The following C9orf50 variants were observed in gnomAD, a reference collection of about 807,000 sequenced individuals.
C9orf50 encodes chromosome 9 open reading frame 50.
C9orf50 carries 33 observed loss-of-function variants against 42.5 expected under a neutral mutation model. That is an observed-to-expected ratio of 0.78 (90% CI 0.59 to 1.04). The LOEUF (loss-of-function observed/expected upper bound fraction) is 1.04, where lower values mean the gene tolerates loss of function less well. Among genes scored for constraint, C9orf50 ranks in the 50% least tolerant of loss-of-function variants. The pLI is 0.00. For synonymous variants in C9orf50, 257 were observed against 273.4 expected (o/e 0.94, Z 0.59); for missense variants, 547 against 594.3 (o/e 0.92, Z 0.83).
Position 129,620,514 on chromosome 9 carries a change from C to A in C9orf50, c.61G>T (p.Asp21Tyr), listed in dbSNP as rs754729275. Residue 21 changes from aspartate (D) to tyrosine (Y), a missense_variant, in exon 1 of 7, where the codon GAC (aspartate) becomes TAC (tyrosine). Asp to Tyr is a radical substitution (Grantham distance 160). Transcript: ENST00000372478. The surrounding 1 kb of genome is among the most constrained non-coding windows in gnomAD (Gnocchi z 5.8). ...TCGCTGCTGCGTCGGAAGTCTCCGT[C>A]GCCAGGGAGCCCCTTGGGCGCCAGG... is the stretch of plus-strand genomic sequence containing the variant. The A allele has an allele frequency of 2.8e-6, 4 of 1,440,908 alleles. No individual in the cohort carries two copies. Among genetic ancestry groups the A allele is most frequent in the Admixed American group, 2.3e-5 (1 of 43,512 alleles). 89.3% of individuals were successfully genotyped at this position (1,440,908 alleles called of 1,614,324 possible).
At chr9:129,615,596 G>A (rs1166293576) in exon 4 of C9orf50, 1 of 1,604,908 alleles carries the variant, frequency 6.2e-7, no homozygotes, top group Non-Finnish European at 8.5e-7. Context: ...CCCCCGAGGG[G>A]TTGTGGGTCA....
rs1236170795 is a variant in C9orf50 at position 129,614,926 on chromosome 9, C to T, written c.880+558G>A. Among the ~76,000 whole-genome samples the T allele has an allele frequency of 6.6e-6, 1 of 151,924 alleles. No homozygotes were observed. ...CAGAAAAAAAAAAAGAAAAAGAAAA[C>T]TCACTGGGAACTGCAAAACAGACAC... On this transcript the variant is annotated intron_variant, in intron 4 of 6. Coordinates refer to ENST00000372478, the Ensembl canonical transcript of C9orf50. This position sits in a 1 kb window ranked among gnomAD's most constrained non-coding sequence, Gnocchi z 4.4.
intron 3 of C9orf50, among the ~76,000 whole-genome samples, chr9:129,618,508 G>T (rs1323548705): frequency 1.3e-5 from 2 of 152,176 alleles, no homozygotes; most frequent in African/African-American, 4.8e-5. Flanking sequence ...TAGATGGACA[G>T]ATGCGTGGCT....
chr9:129,621,533 A>G (rs1830712554), upstream of C9orf50, among the ~76,000 whole-genome samples: 1 of 152,030 alleles, frequency 6.6e-6, no homozygotes, highest in Non-Finnish European at 1.5e-5. Flanking sequence ...ATTTTTGTAT[A>G]TTTTGTAGAA....
Position 129,613,296 on chromosome 9 carries a change from C to G in C9orf50, c.1044-45G>C. 1 of 1,570,084 alleles carries G rather than the reference C, an allele frequency of 6.4e-7. No homozygotes were observed. Among genetic ancestry groups the G allele is most frequent in the South Asian group, 1.2e-5 (1 of 84,842 alleles). On this transcript the variant is annotated intron_variant, in intron 5 of 6. Transcript: ENST00000372478. The surrounding 1 kb of genome is among the most constrained non-coding windows in gnomAD (Gnocchi z 6.2). ...ATGAGCTTCCTGGACTCTGAGTCCC[C>G]GGCCCACCCATGGCTGGCAGGGCCC... is the stretch of plus-strand genomic sequence containing the variant.
rs927951034 is a variant in C9orf50, at chr9:129,614,202, C to G, written c.881-605G>C. On this transcript the variant is annotated intron_variant, in intron 4 of 6. Coordinates refer to ENST00000372478, the Ensembl canonical transcript of C9orf50. This position sits in a 1 kb window ranked among gnomAD's most constrained non-coding sequence, Gnocchi z 4.4. ...TGGCCTTGGATTCCCAAGAGGGGCCCGGGGTCACTCTGGCTTCTATATGTG... is the reference window on the plus strand; with the variant it reads ...TGGCCTTGGATTCCCAAGAGGGGCCGGGGGTCACTCTGGCTTCTATATGTG... 5.3e-5 allele frequency among the ~76,000 whole-genome samples: 8 copies of G among 152,196 alleles called. No homozygotes were observed. The highest frequency in any genetic ancestry group is 2.0e-4 in the Admixed American group (3 of 15,280).
At position 129,620,250 on chromosome 9, in the gene C9orf50, C is replaced by G; in HGVS notation, c.325G>C (p.Gly109Arg). Residue 109 changes from glycine (G) to arginine (R), a missense_variant, in exon 1 of 7, where the codon GGC (glycine) becomes CGC (arginine). Physicochemically the swap from Gly to Arg is moderately radical, Grantham distance 125. Around this residue, in one of 3 missense-constraint regions of C9orf50, gnomAD observed 108 missense variants for 172.1 expected, o/e 0.63. Transcript: ENST00000372478. This position sits in a 1 kb window ranked among gnomAD's most constrained non-coding sequence, Gnocchi z 5.8. ...CTGGGCGCCGATTCCCGGGACGCGCCGGCCGACAGCAGGGGAGGCGGCAGC... is the reference window on the plus strand; with the variant it reads ...CTGGGCGCCGATTCCCGGGACGCGCGGGCCGACAGCAGGGGAGGCGGCAGC... 5.2e-6 allele frequency: 7 copies of G among 1,336,236 alleles called. No homozygotes were observed. Among genetic ancestry groups the G allele is most frequent in the Non-Finnish European group, 6.7e-6 (7 of 1,037,738 alleles). The allele number at this position is 1,336,236 out of a possible 1,614,324, so 82.8% of individuals were successfully genotyped here.
exon 4 of C9orf50, chr9:129,615,628 C>A (rs1830335935): frequency 1.3e-6 from 2 of 1,580,224 alleles, no homozygotes; most frequent in Admixed American, 1.8e-5. Context: ...AGCCTGGGGA[C>A]CTGTGCACCG....
chr9:129,619,805 C>A (rs372977717), exon 2 of C9orf50: 34 of 1,613,966 alleles, frequency 2.1e-5, no homozygotes, highest in Admixed American at 3.3e-5. Flanking sequence ...CTAATACACC[C>A]CTTTGATGTT....
rs968483883 is a variant in C9orf50, at chr9:129,613,981, T to C, written c.881-384A>G. On this transcript the variant is annotated intron_variant, in intron 4 of 6. Transcript: ENST00000372478. This position sits in a 1 kb window ranked among gnomAD's most constrained non-coding sequence, Gnocchi z 6.2. Reference sequence around the variant, plus strand: ...GTCCAACAGCAGCCATGCGAGGTGGTCCAAGGACCCTGAGTTCCCCAATGG... The same window carrying C: ...GTCCAACAGCAGCCATGCGAGGTGGCCCAAGGACCCTGAGTTCCCCAATGG... 3.3e-5 allele frequency among the ~76,000 whole-genome samples: 5 copies of C among 151,988 alleles called. No individual in the cohort carries two copies. The highest frequency in any genetic ancestry group is 1.2e-4 in the African/African-American group (5 of 41,370).
At chr9:129,618,575 G>A (rs1254525071) in intron 3 of C9orf50, among the ~76,000 whole-genome samples, 2 of 152,222 alleles carry the variant, frequency 1.3e-5, no homozygotes, top group African/African-American at 4.8e-5. Context: ...CTAGATTAGC[G>A]ATGGACAGTG....
At chr9:129,621,032 AATGGG>A (rs1830681996), upstream of C9orf50, among the ~76,000 whole-genome samples, 1 of 152,194 alleles carries the variant, frequency 6.6e-6, no homozygotes, top group South Asian at 2.1e-4. Context: ...TGGTCTGCAG[AATGGG>A]GATAATAGCA....
rs1440596804 is a variant in C9orf50 at position 129,614,656 on chromosome 9, CA to C, written c.880+827del. ...CGGTGGCTCATGCCTGTAATCCCAG[CA>C]CTTTGGGAGGCAGAGGCAGGTGGAT... is the stretch of plus-strand genomic sequence containing the variant. On this transcript the variant is annotated intron_variant, in intron 4 of 6. Transcript: ENST00000372478. This position sits in a 1 kb window ranked among gnomAD's most constrained non-coding sequence, Gnocchi z 4.4. Among the ~76,000 whole-genome samples, 2 of 152,026 alleles carry C rather than the reference CA, an allele frequency of 1.3e-5. No homozygotes were observed. Among genetic ancestry groups the C allele is most frequent in the Admixed American group, 6.6e-5 (1 of 15,258 alleles).
At chr9:129,619,061 T>C (rs1365977950) in intron 3 of C9orf50, among the ~76,000 whole-genome samples, 1 of 151,894 alleles carries the variant, frequency 6.6e-6, no homozygotes, top group Non-Finnish European at 1.5e-5. Context: ...GTTGGCCAGG[T>C]AGATGAATGG....
At chr9:129,618,495 G>A (rs1830500771) in intron 3 of C9orf50, among the ~76,000 whole-genome samples, 1 of 152,128 alleles carries the variant, frequency 6.6e-6, no homozygotes, top group Admixed American at 6.6e-5. Context: ...ATGAATGTAT[G>A]GGTAGATGGA....
At chr9:129,615,527 G>C (rs369203583) in exon 4 of C9orf50, 1 of 1,610,820 alleles carries the variant, frequency 6.2e-7, no homozygotes, top group East Asian at 2.2e-5. Flanking sequence ...TGTCCTGCAG[G>C]GTCTCGTCAG....
chr9:129,620,285 A>C lies in C9orf50; in HGVS notation c.290T>G (p.Leu97Arg). Reference sequence around the variant, plus strand: ...CAGGGGAGGCGGCAGCAGGGACCGCAGCAGCCCCCGCTTCCGCACGGCCCG... The same window carrying C: ...CAGGGGAGGCGGCAGCAGGGACCGCCGCAGCCCCCGCTTCCGCACGGCCCG... Residue 97 changes from leucine to arginine, a missense_variant, in exon 1 of 7, where the codon CTG (leucine) becomes CGG (arginine). Physicochemically the swap from Leu to Arg is moderately radical, Grantham distance 102 (BLOSUM62 -2). Transcript: ENST00000372478. This position sits in a 1 kb window ranked among gnomAD's most constrained non-coding sequence, Gnocchi z 5.8. 2.4e-6 allele frequency: 3 copies of C among 1,272,794 alleles called. No homozygotes were observed. The highest frequency in any genetic ancestry group is 6.0e-5 in the South Asian group (2 of 33,198). The allele number at this position is 1,272,794 out of a possible 1,614,324, so 78.8% of individuals were successfully genotyped here.
chr9:129,612,462 G>A lies in C9orf50; in HGVS notation c.1189-8C>T. The A allele has an allele frequency of 6.2e-7, 1 of 1,609,552 alleles. No individual in the cohort carries two copies. The highest frequency in any genetic ancestry group is 8.5e-7 in the Non-Finnish European group (1 of 1,177,524). ...GTTGGGCAGGAGGGACTCCTAGAGT[G>A]AGACAGAGGACCAGCTGGCTGCTAC... On this transcript the variant is annotated splice_region_variant and splice_polypyrimidine_tract_variant and intron_variant, in intron 6 of 6. Transcript: ENST00000372478.
At chr9:129,615,938 G>A (rs765375197) in intron 3 of C9orf50, among the ~76,000 whole-genome samples, 2 of 152,238 alleles carry the variant, frequency 1.3e-5, no homozygotes, top group Non-Finnish European at 2.9e-5. Flanking sequence ...CCAAGGCGAT[G>A]CAGCTGTCAG....
Sources: gnomAD v4.1 joint callset for allele counts (sites outside exome capture counted in the v4.1 genomes callset) on GRCh38, gnomAD v4.1.1 for gene constraint, gnomAD v4.1.1 regional missense constraint, Gnocchi (gnomAD v3.1) non-coding constraint, MANE v1.5 for transcripts, NCBI Gene and HGNC (gene_info 2026-07-23, HGNC 2026-07-21) for gene names.